Variants in MTA3 observed in about 807,000 individuals in gnomAD.
MTA3 encodes metastasis associated 1 family member 3, also known as metastasis-associated protein MTA3.
Under a neutral mutation model 83.5 loss-of-function variants are expected in MTA3, and 34 were observed. The observed-to-expected ratio is 0.41, with a 90% CI of 0.31 to 0.54. MTA3 has a LOEUF of 0.54. Ranked by LOEUF, MTA3 falls within the 20% of genes least tolerant of loss-of-function variation. MTA3 has a pLI of 0.33. For missense variants in MTA3, 761 were observed against 726.4 expected (o/e 1.05, Z -0.55); for synonymous variants, 303 against 252.7 (o/e 1.20, Z -1.89).
At chr2:42,664,821 G>A (rs756443422) in intron 8 of MTA3, among the ~76,000 whole-genome samples, 44 of 152,046 alleles carry the variant, frequency 2.9e-4, no homozygotes, top group African/African-American at 1.0e-3. Context: ...ACTTCAATGG[G>A]CTGTCAGCAT....
chr2:42,630,837 G>A (rs1371266499), intron 4 of MTA3, among the ~76,000 whole-genome samples: 1 of 152,116 alleles, frequency 6.6e-6, no homozygotes, highest in African/African-American at 2.4e-5. Context: ...GGTCAAAGCA[G>A]GGAGGTTCAG....
At chr2:42,518,715 T>A (rs1012229589) in intron 2 of MTA3, among the ~76,000 whole-genome samples, 5 of 151,940 alleles carry the variant, frequency 3.3e-5, no homozygotes, top group African/African-American at 1.2e-4. Flanking sequence ...GGTGGCTTAC[T>A]CCTGTAATCC....
intron 3 of MTA3, among the ~76,000 whole-genome samples, chr2:42,606,699 A>G (rs1048006925): frequency 4.0e-5 from 6 of 151,602 alleles, no homozygotes; most frequent in Non-Finnish European, 7.4e-5. Context: ...AGAGGCTGCA[A>G]TCTCGGCACT....
chr2:42,685,782 A>C (rs529153475), intron 9 of MTA3, among the ~76,000 whole-genome samples: 7 of 152,324 alleles, frequency 4.6e-5, no homozygotes, highest in African/African-American at 1.7e-4. Flanking sequence ...AGAATGTCAG[A>C]GTGTTAACTG....
At position 42,503,155 on chromosome 2, in the gene MTA3, G is replaced by A. The variant is rs1002078460; in HGVS notation, c.-141+7901G>A. Among the ~76,000 whole-genome samples the A allele has an allele frequency of 8.5e-5, 13 of 152,244 alleles. 1 individual carries two copies. The highest frequency in any genetic ancestry group is 3.1e-4 in the African/African-American group (13 of 41,544). The stretch of plus-strand genomic sequence containing the variant: ...CATAGACAGAGCAGGTGCTCCCAAG[G>A]GCTGCTGGTTGCCCATTTTTATGGT... On this transcript the variant is annotated intron_variant, in intron 2 of 17. Transcript: ENST00000405592.
rs974150684 is a variant in MTA3, at chr2:42,756,941, A to C, written c.*3542A>C. On this transcript the variant is annotated 3_prime_UTR_variant, in exon 17 of 17. Transcript: ENST00000405094. ...ATTGTGTTTCCAATAAATTCCTGGA[A>C]ATTTTGCCTGGTTTTATGCTGTTCT... 29 of 985,314 alleles carry C rather than the reference A, an allele frequency of 2.9e-5. No homozygotes were observed. The African/African-American group carries it at 4.7e-4, about 16-fold the overall frequency. The allele number at this position is 985,314 out of a possible 1,614,324, so 61.0% of individuals were successfully genotyped here. A position where few individuals can be genotyped will look rare whatever the true frequency, so the allele number is the denominator to read the frequency against.
intron 8 of MTA3, among the ~76,000 whole-genome samples, chr2:42,681,071 G>A (rs1227458496): frequency 6.6e-6 from 1 of 152,142 alleles, no homozygotes; most frequent in Non-Finnish European, 1.5e-5. Context: ...CTAGACCTAA[G>A]TAACTTTTGC....
At chr2:42,690,102 T>TG (rs774871516) in intron 9 of MTA3, among the ~76,000 whole-genome samples, 1 of 152,160 alleles carries the variant, frequency 6.6e-6, no homozygotes, top group Non-Finnish European at 1.5e-5. Flanking sequence ...CAGCATGCTA[T>TG]GACCATGCCT....
chr2:42,567,098 G>A (rs1406329891), upstream of MTA3, among the ~76,000 whole-genome samples: 1 of 152,176 alleles, frequency 6.6e-6, no homozygotes, highest in Non-Finnish European at 1.5e-5. Flanking sequence ...CTCAGAATTT[G>A]ACACACAGCA....
chr2:42,534,575 C>T (rs1056270163), intron 2 of MTA3, among the ~76,000 whole-genome samples: 3 of 150,304 alleles, frequency 2.0e-5, no homozygotes, highest in East Asian at 2.0e-4. Flanking sequence ...CCAGCCTGGG[C>T]GATGAGTGAA....
At chr2:42,573,025 G>A (rs1419794731) in intron 2 of MTA3, among the ~76,000 whole-genome samples, 3 of 152,076 alleles carry the variant, frequency 2.0e-5, no homozygotes, top group Non-Finnish European at 4.4e-5. Context: ...ACTGCGCCTG[G>A]CCAGGATTTA....
intron 2 of MTA3, among the ~76,000 whole-genome samples, chr2:42,518,827 A>G (rs914243705): frequency 1.1e-4 from 16 of 151,976 alleles, no homozygotes; most frequent in Admixed American, 9.2e-4. Flanking sequence ...TTAGCCAGGC[A>G]TGGTGGGGCG....
At chr2:42,588,493 A>T (rs1275941583) in intron 3 of MTA3, among the ~76,000 whole-genome samples, 1 of 152,232 alleles carries the variant, frequency 6.6e-6, no homozygotes, top group Non-Finnish European at 1.5e-5. Context: ...TTAATGATTT[A>T]GCAGCTGACA....
chr2:42,508,234 A>C (rs1674726550), intron 2 of MTA3, among the ~76,000 whole-genome samples: 1 of 151,764 alleles, frequency 6.6e-6, no homozygotes, highest in South Asian at 2.1e-4. Flanking sequence ...ATATAAACCT[A>C]TTTTTTTCTT....
intron 2 of MTA3, among the ~76,000 whole-genome samples, chr2:42,535,778 G>A (rs929407620): frequency 1.3e-5 from 2 of 152,072 alleles, no homozygotes; most frequent in Non-Finnish European, 2.9e-5. Flanking sequence ...ACTCTGAAAG[G>A]ATCCTGGGGG....
chr2:42,550,300 G>T (rs1350761992), intron 2 of MTA3, among the ~76,000 whole-genome samples: 1 of 152,176 alleles, frequency 6.6e-6, no homozygotes, highest in Non-Finnish European at 1.5e-5. Context: ...CATTAAATTT[G>T]TGGGTGGAAG....
intron 3 of MTA3, among the ~76,000 whole-genome samples, chr2:42,594,864 C>G (rs1166601553): frequency 7.0e-6 from 1 of 143,564 alleles, no homozygotes; most frequent in Non-Finnish European, 1.5e-5. Flanking sequence ...GTAGCTGGGA[C>G]TACAAGAGCC....
intron 3 of MTA3, among the ~76,000 whole-genome samples, chr2:42,605,197 C>A (rs1683113536): frequency 7.0e-6 from 1 of 143,000 alleles, no homozygotes; most frequent in Non-Finnish European, 1.6e-5. Flanking sequence ...GACGGGGCGG[C>A]TGGCCGGGCG....
chr2:42,498,052 A>C (rs896874896), intron 2 of MTA3, among the ~76,000 whole-genome samples: 8 of 152,190 alleles, frequency 5.3e-5, no homozygotes, highest in African/African-American at 1.9e-4. Flanking sequence ...GAGGACTCCA[A>C]ACACCGTTTC....
Sources: allele counts gnomAD v4.1 joint callset (sites outside exome capture counted in the v4.1 genomes callset), GRCh38; gene constraint gnomAD v4.1.1; transcripts MANE v1.5; gene names NCBI Gene and HGNC (gene_info 2026-07-23, HGNC 2026-07-21).